The following CSMD1 variants were observed in gnomAD, a reference collection of about 807,000 sequenced individuals.
CSMD1 encodes CUB and sushi domain-containing protein 1.
Under a neutral mutation model 417.5 loss-of-function variants are expected in CSMD1, and 213 were observed. The ratio of observed to expected loss-of-function variants is 0.51; its 90% CI spans 0.46 to 0.57. CSMD1 has a LOEUF of 0.57. Ranked by LOEUF, CSMD1 falls within the 20% of genes least tolerant of loss-of-function variation. The pLI, the probability that CSMD1 is intolerant of heterozygous loss-of-function variation, is 0.00. For missense variants in CSMD1, 6,923 were observed against 4,529.7 expected, an observed-to-expected ratio of 1.53 and a Z score of -15.17; for synonymous variants, 2,862 against 1,736.8, an observed-to-expected ratio of 1.65 and a Z score of -16.11.
chr8:4,059,676 T>G (rs1336949048), intron 3 of CSMD1, among the ~76,000 whole-genome samples: 1 of 152,080 alleles, frequency 6.6e-6, no homozygotes, highest in East Asian at 1.9e-4. Flanking sequence ...TCTACGCAAA[T>G]AAACTAGAAA....
At chr8:3,911,543 A>T (rs1808469110) in intron 5 of CSMD1, among the ~76,000 whole-genome samples, 2 of 151,766 alleles carry the variant, frequency 1.3e-5, no homozygotes, top group Admixed American at 1.3e-4. Flanking sequence ...AAAAAAAAAA[A>T]AAAAAGAAGA....
chr8:3,998,665 G>A (rs919034698), intron 4 of CSMD1, among the ~76,000 whole-genome samples: 2 of 152,084 alleles, frequency 1.3e-5, no homozygotes, highest in East Asian at 1.9e-4. Context: ...ACAGTTACAT[G>A]AAACTTAAAA....
Position 3,431,170 on chromosome 8 carries a change from G to A in CSMD1, c.1562-21565C>T, listed in dbSNP as rs141071430. Among the ~76,000 whole-genome samples, 555 of 152,220 alleles carry A rather than the reference G, an allele frequency of 3.6e-3. 2 individuals carry two copies. Among genetic ancestry groups the A allele is most frequent in the African/African-American group, 0.013 (536 of 41,528 alleles). ...CTAGCAACTCTATGGACTCTCTATG[G>A]AAGAGGGATGATGGAGATTAGGATT... On this transcript the variant is annotated intron_variant, in intron 12 of 69. Transcript: ENST00000635120.
chr8:3,172,212 C>G (rs567994206), intron 37 of CSMD1, among the ~76,000 whole-genome samples: 1 of 152,250 alleles, frequency 6.6e-6, no homozygotes, highest in South Asian at 2.1e-4. Context: ...CTTTGTCTTC[C>G]TTTTCTGACT....
At chr8:4,798,436 TA>T (rs2117269382) in intron 1 of CSMD1, among the ~76,000 whole-genome samples, 1 of 152,276 alleles carries the variant, frequency 6.6e-6, no homozygotes. Context: ...ATTTTATTTT[TA>T]AAAAGGAGAT....
intron 18 of CSMD1, among the ~76,000 whole-genome samples, 195 bp downstream of exon 18, chr8:3,387,299 A>G (rs1165569877): frequency 6.6e-6 from 1 of 152,172 alleles, no homozygotes; most frequent in Non-Finnish European, 1.5e-5. Flanking sequence ...CAGTTGTTCT[A>G]TCTAGTACAT....
chr8:3,407,741 T>A (rs1812443563), intron 14 of CSMD1, among the ~76,000 whole-genome samples, 158 bp downstream of exon 14: 2 of 152,176 alleles, frequency 1.3e-5, no homozygotes, highest in South Asian at 4.1e-4. Flanking sequence ...TTTTAAGTTT[T>A]CAGGATAACA....
intron 1 of CSMD1, among the ~76,000 whole-genome samples, chr8:4,822,063 C>A (rs1157116688): frequency 6.6e-6 from 1 of 152,036 alleles, no homozygotes; most frequent in African/African-American, 2.4e-5. Context: ...TTTCTATTCT[C>A]TTCCTTTCTT....
At chr8:3,888,310 C>T (rs765421809) in intron 5 of CSMD1, among the ~76,000 whole-genome samples, 1 of 152,162 alleles carries the variant, frequency 6.6e-6, no homozygotes, top group Non-Finnish European at 1.5e-5. Flanking sequence ...CTTTGATCTT[C>T]AAGGCAAGCA....
At chr8:4,130,049 G>A (rs946673014) in intron 3 of CSMD1, among the ~76,000 whole-genome samples, 43 of 152,208 alleles carry the variant, frequency 2.8e-4, no homozygotes, top group African/African-American at 8.9e-4. Context: ...GCTTATATTA[G>A]AAGAAAATGA....
chr8:3,809,254 C>T (rs1411169633), intron 5 of CSMD1, among the ~76,000 whole-genome samples: 1 of 152,192 alleles, frequency 6.6e-6, no homozygotes, highest in East Asian at 1.9e-4. Context: ...TTCTGACCAG[C>T]TGGGTCAGGT....
chr8:4,321,999 A>G (rs1182187775), intron 3 of CSMD1, among the ~76,000 whole-genome samples: 1 of 152,124 alleles, frequency 6.6e-6, no homozygotes, highest in Non-Finnish European at 1.5e-5. Context: ...TATCTTCAAG[A>G]AGAAAATCAA....
intron 10 of CSMD1, among the ~76,000 whole-genome samples, chr8:3,552,353 TAAAGA>T (rs756525385): frequency 3.9e-5 from 6 of 152,160 alleles, no homozygotes; most frequent in Admixed American, 6.5e-5. Flanking sequence ...ATTTCTAAAT[TAAAGA>T]AAACTAAATC....
chr8:3,483,349 T>C (rs1338753653), intron 11 of CSMD1, among the ~76,000 whole-genome samples: 2 of 152,056 alleles, frequency 1.3e-5, no homozygotes, highest in African/African-American at 2.4e-5. Flanking sequence ...GGAAATATTA[T>C]AAATAACTGT....
chr8:3,868,598 G>C (rs151240922), intron 5 of CSMD1, among the ~76,000 whole-genome samples: 148 of 152,196 alleles, frequency 9.7e-4, no homozygotes, highest in African/African-American at 3.4e-3. Flanking sequence ...CTCAGCTCAC[G>C]CAATAGGACC....
intron 26 of CSMD1, among the ~76,000 whole-genome samples, chr8:3,281,972 C>T (rs1398640341): frequency 6.6e-6 from 1 of 152,142 alleles, no homozygotes; most frequent in Non-Finnish European, 1.5e-5. Flanking sequence ...CTCTGTCTTT[C>T]CCCTTCCCCG....
chr8:4,603,340 T>C (rs990748662), intron 2 of CSMD1, among the ~76,000 whole-genome samples: 1 of 152,084 alleles, frequency 6.6e-6, no homozygotes, highest in Admixed American at 6.6e-5. Context: ...ATTCAATATA[T>C]CATTTTAATT....
At chr8:3,365,610 G>C (rs954101903) in intron 20 of CSMD1, among the ~76,000 whole-genome samples, 7 of 152,148 alleles carry the variant, frequency 4.6e-5, no homozygotes, top group African/African-American at 1.7e-4. Flanking sequence ...ACTTACCTTA[G>C]AAATTAGTAA....
At chr8:3,184,120 T>C (rs1821602680) in intron 36 of CSMD1, among the ~76,000 whole-genome samples, 1 of 152,168 alleles carries the variant, frequency 6.6e-6, no homozygotes, top group East Asian at 1.9e-4. Flanking sequence ...TAGCTTCTTA[T>C]CATTACTTGT....
Sources: allele counts gnomAD v4.1 joint callset (sites outside exome capture counted in the v4.1 genomes callset), GRCh38; gene constraint gnomAD v4.1.1; transcripts MANE v1.5; gene names NCBI Gene and HGNC (gene_info 2026-07-23, HGNC 2026-07-21).